Variants in CSMD1 observed in about 807,000 individuals in gnomAD.
CSMD1 encodes the protein CUB and sushi domain-containing protein 1.
CSMD1 carries 213 observed loss-of-function variants against 417.5 expected under a neutral mutation model. The observed-to-expected ratio is 0.51, with a 90% CI of 0.46 to 0.57. The LOEUF is 0.57. CSMD1 is among the 20% of genes least tolerant of loss of function. The probability of loss-of-function intolerance (pLI) is 0.00; values close to 1 mark genes in which losing one functional copy is unlikely to be tolerated. For missense variants in CSMD1, 6,923 were observed against 4,529.7 expected (o/e 1.53, Z -15.17); for synonymous variants, 2,862 against 1,736.8 (o/e 1.65, Z -16.11).
intron 2 of CSMD1, among the ~76,000 whole-genome samples, chr8:4,486,659 G>T (rs1369087313): frequency 6.6e-6 from 1 of 151,908 alleles, no homozygotes; most frequent in Non-Finnish European, 1.5e-5. Context: ...ATATAGATGG[G>T]GAAACTGAAG....
At chr8:3,245,213 T>C (rs548817324) in intron 26 of CSMD1, among the ~76,000 whole-genome samples, 2 of 152,322 alleles carry the variant, frequency 1.3e-5, no homozygotes, top group Admixed American at 6.5e-5. Context: ...AAAACCTTAG[T>C]AGTTGTCCTT....
intron 5 of CSMD1, among the ~76,000 whole-genome samples, chr8:3,783,881 A>G (rs1171146997): frequency 6.7e-6 from 1 of 149,914 alleles, no homozygotes; most frequent in Non-Finnish European, 1.5e-5. Flanking sequence ...CATGAACTAG[A>G]CTCGGCCATG....
chr8:2,978,727 A>G lies in CSMD1; in HGVS notation c.8451T>C (p.Phe2817=). The change falls in exon 55 of 70, where the codon TTT becomes TTC. Residue 2817 remains phenylalanine (F), a synonymous_variant. Transcript: ENST00000635120. ...RHGQQNFPES[F]EYGMSILYHC... ...GGTACAGGATACTCATTCCATACTC[A>G]AAACTCTCAGGGAAGTTCTGTTGCC... The G allele has an allele frequency of 1.2e-6, 2 of 1,613,440 alleles. No homozygotes were observed. The highest frequency in any genetic ancestry group is 3.3e-5 in the Admixed American group (2 of 59,982).
At chr8:4,035,461 G>A (rs1349956390) in intron 3 of CSMD1, among the ~76,000 whole-genome samples, 2 of 152,148 alleles carry the variant, frequency 1.3e-5, no homozygotes, top group African/African-American at 2.4e-5. Context: ...CCAAAAGGAG[G>A]CATTATTATC....
chr8:3,691,341 T>C (rs761205031), intron 7 of CSMD1, among the ~76,000 whole-genome samples: 14 of 151,130 alleles, frequency 9.3e-5, no homozygotes, highest in Non-Finnish European at 1.8e-4. Flanking sequence ...CACTCCAGCA[T>C]GGGTGACAGA....
intron 3 of CSMD1, among the ~76,000 whole-genome samples, chr8:4,287,263 C>T (rs1797111546): frequency 6.6e-6 from 1 of 152,140 alleles, no homozygotes; most frequent in Non-Finnish European, 1.5e-5. Context: ...CCCTCACATT[C>T]CTTGAATATA....
intron 3 of CSMD1, among the ~76,000 whole-genome samples, chr8:4,232,883 G>A (rs1204596487): frequency 2.6e-5 from 4 of 152,128 alleles, no homozygotes; most frequent in African/African-American, 9.7e-5. Flanking sequence ...TTGAATAAGT[G>A]TAAAAGGAGG....
In CSMD1 at chr8:4,468,255, G is replaced by T. The variant is rs761839046; in HGVS notation, c.303-48190C>A. 4.4e-4 allele frequency among the ~76,000 whole-genome samples: 67 copies of T among 152,288 alleles called. 1 individual carries two copies. Among genetic ancestry groups the T allele is most frequent in the Non-Finnish European group, 2.9e-4 (20 of 68,016 alleles). On this transcript the variant is annotated intron_variant, in intron 2 of 69. Transcript: ENST00000635120. ...AAGGAAGGAGAGCTGGCTGACTTCT[G>T]AGACTCCTGACCCCACCTTCACCCA...
At chr8:3,883,565 C>G (rs187849064) in intron 5 of CSMD1, among the ~76,000 whole-genome samples, 5 of 152,140 alleles carry the variant, frequency 3.3e-5, no homozygotes, top group African/African-American at 1.2e-4. Flanking sequence ...TGAACTGATG[C>G]CTTCAAGGAA....
rs116000224 is a variant in CSMD1, at chr8:4,238,181, G to T, written c.415+181772C>A. On this transcript the variant is annotated intron_variant, in intron 3 of 69. Transcript: ENST00000635120. ...GGAATCCCAAAGGACATCTTAGAAT[G>T]CCAAGTACGTCGATATTAACACACT... Among the ~76,000 whole-genome samples, 135 of 152,338 alleles carry T rather than the reference G, an allele frequency of 8.9e-4. 2 individuals carry two copies. The highest frequency in any genetic ancestry group is 3.4e-3 in the Middle Eastern group (1 of 294).
At chr8:4,582,052 G>C (rs1024817253) in intron 2 of CSMD1, among the ~76,000 whole-genome samples, 19 of 152,076 alleles carry the variant, frequency 1.2e-4, no homozygotes, top group Non-Finnish European at 2.1e-4. Flanking sequence ...GCAGTCATGG[G>C]ACACTGCGTT....
At chr8:4,737,707 G>A in intron 1 of CSMD1, among the ~76,000 whole-genome samples, 1 of 152,172 alleles carries the variant, frequency 6.6e-6, no homozygotes, top group Non-Finnish European at 1.5e-5. Flanking sequence ...TTCGGCTGCT[G>A]AAGTACCTAA....
intron 3 of CSMD1, among the ~76,000 whole-genome samples, chr8:4,056,189 C>A (rs1288176533): frequency 1.4e-5 from 2 of 142,218 alleles, no homozygotes; most frequent in Non-Finnish European, 3.0e-5. Context: ...TCGAGCAATT[C>A]TCTTGCCTCA....
chr8:4,550,566 T>A (rs868809578), intron 2 of CSMD1, among the ~76,000 whole-genome samples: 25 of 152,134 alleles, frequency 1.6e-4, no homozygotes, highest in African/African-American at 5.1e-4. Flanking sequence ...TTTTGAAACA[T>A]TTTTTAAAAA....
intron 2 of CSMD1, among the ~76,000 whole-genome samples, chr8:4,450,337 A>G (rs1028964239): frequency 6.6e-6 from 1 of 152,102 alleles, no homozygotes; most frequent in African/African-American, 2.4e-5. Flanking sequence ...TTTTTTAAAG[A>G]TATTTAGTAG....
At chr8:4,005,990 G>A (rs1816080241) in intron 4 of CSMD1, among the ~76,000 whole-genome samples, 1 of 152,154 alleles carries the variant, frequency 6.6e-6, no homozygotes, top group Non-Finnish European at 1.5e-5. Flanking sequence ...CTACTAGAAT[G>A]AGCAGAGAAG....
intron 3 of CSMD1, among the ~76,000 whole-genome samples, chr8:4,218,649 A>T (rs1375382326): frequency 2.6e-5 from 4 of 152,190 alleles, no homozygotes; most frequent in Non-Finnish European, 5.9e-5. Context: ...TGATTTCAGT[A>T]TTAGTGGGAC....
chr8:4,442,663 T>G (rs567160004), intron 2 of CSMD1, among the ~76,000 whole-genome samples: 6 of 152,208 alleles, frequency 3.9e-5, no homozygotes, highest in African/African-American at 1.4e-4. Flanking sequence ...TAAAACTTCA[T>G]TGACTTTCCC....
rs1804639339 is a variant in CSMD1, at chr8:4,401,488, T to A, written c.415+18465A>T. Among the ~76,000 whole-genome samples, 6 of 152,240 alleles carry A rather than the reference T, an allele frequency of 3.9e-5. No individual in the cohort carries two copies. The South Asian group carries it at 1.2e-3, about 32-fold the overall frequency. On this transcript the variant is annotated intron_variant, in intron 3 of 69. Coordinates refer to ENST00000635120, the MANE Select transcript of CSMD1 (RefSeq NM_033225.6). The stretch of plus-strand genomic sequence containing the variant: ...CAGTGGCCCAAGCAGCACCATCCCC[T>A]CACCCAGAGAGGAGAACCTCCCAGG...
Sources: gnomAD v4.1 joint callset for allele counts (sites outside exome capture counted in the v4.1 genomes callset) on GRCh38, gnomAD v4.1.1 for gene constraint, MANE v1.5 for transcripts, NCBI Gene and HGNC (gene_info 2026-07-23, HGNC 2026-07-21) for gene names.